The following PCSK2 variants were observed in gnomAD, a reference collection of about 807,000 sequenced individuals.
PCSK2 encodes neuroendocrine convertase 2.
A neutral mutation model predicts 69.7 loss-of-function variants in PCSK2; 14 were observed. The observed-to-expected ratio is 0.20, with a 90% confidence interval of 0.13 to 0.31. PCSK2 has a LOEUF of 0.31. Ranked by LOEUF, PCSK2 falls within the 10% of genes least tolerant of loss-of-function variation. The probability of loss-of-function intolerance (pLI) is 1.00; values close to 1 mark genes in which losing one functional copy is unlikely to be tolerated. For synonymous variants in PCSK2, 307 were observed against 320.7 expected (o/e 0.96, Z 0.46); for missense variants, 544 against 842.5 (o/e 0.65, Z 4.39).
rs150651791 is a variant in PCSK2 at position 17,455,504 on chromosome 20, G to A, written c.1102-844G>A. On this transcript the variant is annotated intron_variant, in intron 9 of 11. Coordinates refer to ENST00000262545, the MANE Select transcript of PCSK2 (RefSeq NM_002594.5). ...ACTCAACACATCTCAGAATCTCTCC[G>A]TGGATTTTAGATGTAGAGAAACATG... 2.1e-4 allele frequency among the ~76,000 whole-genome samples: 32 copies of A among 152,260 alleles called. No individual in the cohort carries two copies. In the East Asian group the frequency reaches 2.9e-3, roughly 14 times the overall value.
chr20:17,425,517 C>G, intron 6 of PCSK2, among the ~76,000 whole-genome samples: 1 of 152,128 alleles, frequency 6.6e-6, no homozygotes, highest in East Asian at 1.9e-4. Context: ...TAGAATTTAT[C>G]CTTCCAAAAC....
chr20:17,359,676 T>G (rs983416), intron 3 of PCSK2, among the ~76,000 whole-genome samples: 1 of 152,078 alleles, frequency 6.6e-6, no homozygotes, highest in Non-Finnish European at 1.5e-5. Context: ...TAACATGTCT[T>G]TAGAAGAAAG....
In PCSK2 at chr20:17,481,585, A is replaced by G; in HGVS notation, c.1432A>G (p.Lys478Glu). 1 of 1,613,508 alleles carries G rather than the reference A, an allele frequency of 6.2e-7. No individual in the cohort carries two copies. Among genetic ancestry groups the G allele is most frequent in the Non-Finnish European group, 8.5e-7 (1 of 1,179,698 alleles). The part of the protein sequence containing the change: ...CVGGSVQDPE[K>E]IPSTGKLVLT... Reference sequence around the variant, plus strand: ...ATCTCCTCTTCACTCTGCCCTCAGGAAAATACCATCCACTGGCAAGTTGGT... The same window carrying G: ...ATCTCCTCTTCACTCTGCCCTCAGGGAAATACCATCCACTGGCAAGTTGGT... Residue 478 changes from lysine to glutamate, a missense_variant and splice_region_variant, in exon 12 of 12, where the codon AAA becomes GAA. Coordinates refer to ENST00000262545, the MANE Select transcript of PCSK2 (RefSeq NM_002594.5).
At chr20:17,347,713 C>T (rs949990391) in intron 2 of PCSK2, among the ~76,000 whole-genome samples, 2 of 151,338 alleles carry the variant, frequency 1.3e-5, no homozygotes, top group African/African-American at 4.9e-5. Flanking sequence ...TGTGAGGAGA[C>T]AGAGGATATG....
chr20:17,433,014 C>A (rs2032400797), intron 7 of PCSK2, among the ~76,000 whole-genome samples: 1 of 152,224 alleles, frequency 6.6e-6, no homozygotes, highest in Admixed American at 6.5e-5. Context: ...CCTCACTGTT[C>A]TGGATTTCTG....
At chr20:17,347,892 GA>G (rs1464627956) in intron 2 of PCSK2, among the ~76,000 whole-genome samples, 13 of 7,800 alleles carry the variant, frequency 1.7e-3, no homozygotes, top group Non-Finnish European at 3.9e-3. Flanking sequence ...AAGAAAGAAA[GA>G]AAGAAAGAAA....
At chr20:17,412,536 A>T (rs1316198649) in intron 6 of PCSK2, among the ~76,000 whole-genome samples, 1 of 152,244 alleles carries the variant, frequency 6.6e-6, no homozygotes, top group Non-Finnish European at 1.5e-5. Context: ...CTATGTGAAA[A>T]GATCAAATCT....
At chr20:17,230,517 C>T (rs1262621599) in intron 1 of PCSK2, among the ~76,000 whole-genome samples, 1 of 152,198 alleles carries the variant, frequency 6.6e-6, no homozygotes, top group Non-Finnish European at 1.5e-5. Context: ...CATGCTGCCT[C>T]CAGGAAGCCT....
At chr20:17,277,394 G>A (rs1988124184) in intron 2 of PCSK2, among the ~76,000 whole-genome samples, 1 of 152,110 alleles carries the variant, frequency 6.6e-6, no homozygotes, top group Admixed American at 6.6e-5. Context: ...GAACAGAACA[G>A]AGCCCTCAGA....
intron 8 of PCSK2, among the ~76,000 whole-genome samples, chr20:17,439,536 T>C (rs981894995): frequency 6.6e-6 from 1 of 152,200 alleles, no homozygotes; most frequent in Non-Finnish European, 1.5e-5. Flanking sequence ...CTCTGAATGC[T>C]AGGCAATGTA....
chr20:17,239,841 CTTTTTTTTTTTT>C (rs869179656), intron 1 of PCSK2, among the ~76,000 whole-genome samples: 10 of 68,660 alleles, frequency 1.5e-4, no homozygotes, highest in African/African-American at 4.7e-4. Flanking sequence ...GGTGAAAACA[CTTTTTTTTTTTT>C]TTTTTTTTTT....
At chr20:17,369,140 C>A (rs1244983937) in intron 4 of PCSK2, 100 bp from the exon 5 acceptor site, 2 of 978,204 alleles carry the variant, frequency 2.0e-6, no homozygotes, top group Non-Finnish European at 1.6e-6. Context: ...AGCCTTCTGG[C>A]ACCAGCCCCA....
chr20:17,276,477 C>CACAT (rs748618236), intron 2 of PCSK2, among the ~76,000 whole-genome samples: 1 of 149,610 alleles, frequency 6.7e-6, no homozygotes, highest in Admixed American at 6.7e-5. Flanking sequence ...CACACACACA[C>CACAT]ACATACCATG....
At chr20:17,425,787 C>T (rs760421994) in intron 6 of PCSK2, among the ~76,000 whole-genome samples, 1 of 152,120 alleles carries the variant, frequency 6.6e-6, no homozygotes, top group Non-Finnish European at 1.5e-5. Flanking sequence ...TCCAATGTTC[C>T]TGGGCTTTTT....
chr20:17,471,799 C>T (rs761799893), intron 11 of PCSK2, among the ~76,000 whole-genome samples: 3 of 152,196 alleles, frequency 2.0e-5, no homozygotes, highest in Non-Finnish European at 4.4e-5. Context: ...CTGGCTGTGC[C>T]GCTTGACAGA....
At chr20:17,311,542 C>T (rs141128137) in intron 2 of PCSK2, among the ~76,000 whole-genome samples, 10 of 152,182 alleles carry the variant, frequency 6.6e-5, no homozygotes, top group African/African-American at 2.4e-4. Flanking sequence ...TTTATCATGT[C>T]ATTCTGGGAG....
At chr20:17,347,073 C>A (rs1001188020) in intron 2 of PCSK2, among the ~76,000 whole-genome samples, 5 of 152,222 alleles carry the variant, frequency 3.3e-5, no homozygotes, top group African/African-American at 7.2e-5. Context: ...CATATCCTCC[C>A]TCCTCAATTG....
chr20:17,357,124 T>C (rs1047946579), intron 2 of PCSK2, among the ~76,000 whole-genome samples: 1 of 152,224 alleles, frequency 6.6e-6, no homozygotes, highest in Non-Finnish European at 1.5e-5. Flanking sequence ...AACTGTTGCA[T>C]GATAAATTAG....
At chr20:17,284,211 A>G (rs1568584608) in intron 2 of PCSK2, among the ~76,000 whole-genome samples, 1 of 152,172 alleles carries the variant, frequency 6.6e-6, no homozygotes, top group Admixed American at 6.5e-5. Flanking sequence ...GGAGAGATGG[A>G]GGTTTATGGA....
Sources: allele counts gnomAD v4.1 joint callset (sites outside exome capture counted in the v4.1 genomes callset), GRCh38; gene constraint gnomAD v4.1.1; transcripts MANE v1.5; gene names NCBI Gene and HGNC (gene_info 2026-07-23, HGNC 2026-07-21).